The following SH3RF1 variants were observed in gnomAD, a reference collection of about 807,000 sequenced individuals.
SH3RF1 encodes the protein E3 ubiquitin-protein ligase SH3RF1.
SH3RF1 carries 32 observed loss-of-function variants against 74.0 expected under a neutral mutation model. The observed-to-expected ratio is 0.43, with a 90% CI of 0.33 to 0.58. The LOEUF (loss-of-function observed/expected upper bound fraction) is 0.58. Ranked by LOEUF, SH3RF1 falls within the 20% of genes least tolerant of loss-of-function variation. SH3RF1 has a pLI of 0.05. For missense variants in SH3RF1, 954 were observed against 1,130.9 expected, an observed-to-expected ratio of 0.84 and a Z score of 2.24; for synonymous variants, 396 against 439.6, an observed-to-expected ratio of 0.90 and a Z score of 1.24.
chr4:169,268,526 A>G (rs1033478723), intron 2 of SH3RF1, among the ~76,000 whole-genome samples: 5 of 152,248 alleles, frequency 3.3e-5, no homozygotes, highest in Non-Finnish European at 1.5e-5. Flanking sequence ...AAATGGGCAC[A>G]GAACAAAAGC....
rs189999453 is a variant in SH3RF1 at position 169,209,270 on chromosome 4, C to T, written c.394-52591G>A. ...TGCCACTGCACTCCAGCCTGAGTGA[C>T]AGAACAAGACCCTGTCCGAAAAAAA... On this transcript the variant is annotated intron_variant, in intron 2 of 11. Coordinates refer to ENST00000284637, the MANE Select transcript of SH3RF1 (RefSeq NM_020870.4). Among the ~76,000 whole-genome samples the T allele has an allele frequency of 1.2e-3, 169 of 146,318 alleles. 1 individual carries two copies. Among genetic ancestry groups the T allele is most frequent in the Non-Finnish European group, 1.9e-3 (124 of 66,878 alleles).
intron 4 of SH3RF1, among the ~76,000 whole-genome samples, chr4:169,141,103 G>T (rs1389703487): frequency 6.6e-6 from 1 of 151,244 alleles, no homozygotes; most frequent in East Asian, 1.9e-4. Context: ...GACACCCTTG[G>T]TATAGAACAT....
chr4:169,175,621 ACACAACTTCCT>A (rs911996364), intron 2 of SH3RF1, among the ~76,000 whole-genome samples: 2 of 152,082 alleles, frequency 1.3e-5, no homozygotes, highest in African/African-American at 4.8e-5. Context: ...CCAGCACCCA[ACACAACTTCCT>A]CACCCTGAAC....
At chr4:169,249,371 C>G (rs1451945162) in intron 2 of SH3RF1, among the ~76,000 whole-genome samples, 1 of 152,238 alleles carries the variant, frequency 6.6e-6, no homozygotes, top group Non-Finnish European at 1.5e-5. Flanking sequence ...CACAGTGTTC[C>G]TCCCCTCCAG....
chr4:169,194,778 C>G (rs1422581385), intron 2 of SH3RF1, among the ~76,000 whole-genome samples: 2 of 152,126 alleles, frequency 1.3e-5, no homozygotes, highest in Non-Finnish European at 2.9e-5. Context: ...ACCAGTCTCC[C>G]AAAGTGATTG....
In SH3RF1 at chr4:169,098,952, C is replaced by A. The variant is rs1443307044; in HGVS notation, c.2499-2265G>T. Among the ~76,000 whole-genome samples, 2 of 152,226 alleles carry A rather than the reference C, an allele frequency of 1.3e-5. 1 individual carries two copies. Among genetic ancestry groups the A allele is most frequent in the African/African-American group, 4.8e-5 (2 of 41,452 alleles). ...GACAAGAGTAGGCAGAGGCCTGGCA[C>A]TTCAAGGAGGTGAAGAATGGGCCAG... is the stretch of plus-strand genomic sequence containing the variant. On this transcript the variant is annotated intron_variant, in intron 11 of 11. Coordinates refer to ENST00000284637, the MANE Select transcript of SH3RF1 (RefSeq NM_020870.4).
chr4:169,114,030 C>T (rs1733288024), intron 10 of SH3RF1, among the ~76,000 whole-genome samples: 1 of 152,108 alleles, frequency 6.6e-6, no homozygotes, highest in African/African-American at 2.4e-5. Flanking sequence ...TAGGGCACTG[C>T]TTGGTCAATG....
At chr4:169,258,076 T>C (rs1211257622) in intron 2 of SH3RF1, among the ~76,000 whole-genome samples, 1 of 152,226 alleles carries the variant, frequency 6.6e-6, no homozygotes, top group Middle Eastern at 3.2e-3. Flanking sequence ...GGTAATTACT[T>C]TTTAAATTTC....
rs746609576 is a variant in SH3RF1, at chr4:169,269,091, A to G, written c.122T>C (p.Val41Ala). ...ACATCTGAGTTCATTTCGAGAACCTACGATCCCCAGCAAACATCGCTTGCA... is the reference window on the plus strand; with the variant it reads ...ACATCTGAGTTCATTTCGAGAACCTGCGATCCCCAGCAAACATCGCTTGCA... ...TFCKRCLLGIVGSRNELRCPE... is the reference protein window; with the variant it reads ...TFCKRCLLGIAGSRNELRCPE... Residue 41 changes from valine to alanine, a missense_variant, in exon 2 of 12, where the codon GTA becomes GCA. Around this residue, in one of 3 missense-constraint regions of SH3RF1, gnomAD observed 64 missense variants for 101.9 expected, o/e 0.63. Transcript: ENST00000284637. 1 of 1,614,206 alleles carries G rather than the reference A, an allele frequency of 6.2e-7. No homozygotes were observed. Among genetic ancestry groups the G allele is most frequent in the South Asian group, 1.1e-5 (1 of 91,082 alleles).
At chr4:169,137,512 C>CA (rs943825269) in intron 4 of SH3RF1, among the ~76,000 whole-genome samples, 1 of 151,674 alleles carries the variant, frequency 6.6e-6, no homozygotes, top group African/African-American at 2.4e-5. Context: ...CTCAACCTCT[C>CA]AAAAAAAATT....
intron 2 of SH3RF1, among the ~76,000 whole-genome samples, chr4:169,237,224 A>G (rs1429328114): frequency 1.3e-5 from 2 of 152,208 alleles, no homozygotes; most frequent in Non-Finnish European, 2.9e-5. Context: ...TCAACCTGAA[A>G]TGTTCCCAGA....
At chr4:169,101,278 T>A (rs1733022868) in intron 11 of SH3RF1, among the ~76,000 whole-genome samples, 2 of 152,194 alleles carry the variant, frequency 1.3e-5, no homozygotes, top group African/African-American at 4.8e-5. Flanking sequence ...ACAAAGCTCC[T>A]TAAAAAGGAA....
chr4:169,102,243 G>A (rs973243299), intron 11 of SH3RF1, among the ~76,000 whole-genome samples: 5 of 152,156 alleles, frequency 3.3e-5, no homozygotes, highest in African/African-American at 7.2e-5. Context: ...AGTAAATTAC[G>A]TCCATTGCTT....
At chr4:169,097,272 T>C (rs1732948405) in intron 11 of SH3RF1, among the ~76,000 whole-genome samples, 3 of 152,182 alleles carry the variant, frequency 2.0e-5, no homozygotes, top group African/African-American at 7.2e-5. Flanking sequence ...GAAGGTAATC[T>C]GCCCCACATA....
intron 2 of SH3RF1, among the ~76,000 whole-genome samples, chr4:169,255,252 T>G (rs185926366): frequency 6.6e-6 from 1 of 152,296 alleles, no homozygotes; most frequent in African/African-American, 2.4e-5. Flanking sequence ...ATATTTTAAC[T>G]ATAAATAGAA....
At chr4:169,140,992 T>C (rs868406843) in intron 4 of SH3RF1, among the ~76,000 whole-genome samples, 173 of 151,504 alleles carry the variant, frequency 1.1e-3, no homozygotes, top group African/African-American at 4.0e-3. Flanking sequence ...TTTCTTTTTT[T>C]TTTTTTTTTA....
intron 2 of SH3RF1, among the ~76,000 whole-genome samples, chr4:169,211,279 G>A (rs528955001): frequency 2.6e-5 from 4 of 152,094 alleles, no homozygotes; most frequent in East Asian, 3.9e-4. Flanking sequence ...TCAGGAGATC[G>A]AGACCATCCT....
At chr4:169,227,729 A>G (rs1730674314) in intron 2 of SH3RF1, among the ~76,000 whole-genome samples, 2 of 152,230 alleles carry the variant, frequency 1.3e-5, no homozygotes, top group Non-Finnish European at 2.9e-5. Context: ...TAGAAAGACC[A>G]CATTATCTAC....
At chr4:169,252,641 C>T (rs1731124718) in intron 2 of SH3RF1, among the ~76,000 whole-genome samples, 1 of 152,170 alleles carries the variant, frequency 6.6e-6, no homozygotes, top group African/African-American at 2.4e-5. Flanking sequence ...CTTTAACCAA[C>T]CTATTCTATT....
Sources: allele counts gnomAD v4.1 joint callset (sites outside exome capture counted in the v4.1 genomes callset), GRCh38; gene constraint gnomAD v4.1.1; regional missense constraint gnomAD v4.1.1; transcripts MANE v1.5; gene names NCBI Gene and HGNC (gene_info 2026-07-23, HGNC 2026-07-21).